The following TIMM23 variants were observed in gnomAD, a reference collection of about 807,000 sequenced individuals.
The protein encoded by TIMM23 is translocase of inner mitochondrial membrane 23, also known as mitochondrial import inner membrane translocase subunit Tim23.
TIMM23 carries 19 observed loss-of-function variants against 30.7 expected under a neutral mutation model. That is an observed-to-expected ratio of 0.62 (90% CI 0.43 to 0.91). The LOEUF is 0.91. Among genes scored for constraint, TIMM23 ranks in the 40% least tolerant of loss-of-function variants. The pLI, the probability that TIMM23 is intolerant of heterozygous loss-of-function variation, is 0.00. For synonymous variants in TIMM23, 78 were observed against 98.5 expected (o/e 0.79, Z 1.23); for missense variants, 202 against 269.2 (o/e 0.75, Z 1.75).
At chr10:45,975,610 G>A (rs1244202619) in intron 2 of TIMM23, 98 bp downstream of exon 2, 3 of 1,509,232 alleles carry the variant, frequency 2.0e-6, no homozygotes, top group Non-Finnish European at 2.7e-6. Flanking sequence ...CACTTTTGGA[G>A]GCAGTAAGTC....
At chr10:45,991,707 C>T (rs1233643248) in intron 6 of TIMM23, among the ~76,000 whole-genome samples, 2 of 151,410 alleles carry the variant, frequency 1.3e-5, no homozygotes. Flanking sequence ...GGCGAGATCA[C>T]GCCACTGCAC....
chr10:45,982,818 A>G lies in TIMM23; in HGVS notation c.260-28A>G, dbSNP rs1837886310. Reference sequence around the variant, plus strand: ...GTTTTTTTAATATAAAGCTGTCTTTATCTGGGTGAATTGTTATGATTTACC... The same window carrying G: ...GTTTTTTTAATATAAAGCTGTCTTTGTCTGGGTGAATTGTTATGATTTACC... On this transcript the variant is annotated intron_variant, in intron 3 of 6. Transcript: ENST00000580018. 1.4e-5 allele frequency: 23 copies of G among 1,613,668 alleles called. No individual in the cohort carries two copies. The Admixed American group carries it at 1.5e-4, about 11-fold the overall frequency.
At chr10:45,976,835 A>G (rs1430762267) in intron 2 of TIMM23, among the ~76,000 whole-genome samples, 150 of 152,350 alleles carry the variant, frequency 9.8e-4, no homozygotes, top group African/African-American at 3.3e-3. Flanking sequence ...AAGTTAAACT[A>G]TCTGTTTACA....
chr10:45,982,584 C>G lies in TIMM23; in HGVS notation c.227C>G (p.Ala76Gly). ...AAAACCCGGGGCAGATTTGAGCTGGCCTTCTTTACGATTGGAGGATGTTGC... is the reference window on the plus strand; with the variant it reads ...AAAACCCGGGGCAGATTTGAGCTGGGCTTCTTTACGATTGGAGGATGTTGC... ...ANKTRGRFELAFFTIGGCCMT... is the reference protein window; with the variant it reads ...ANKTRGRFELGFFTIGGCCMT... Residue 76 changes from alanine to glycine, a missense_variant, in exon 3 of 7, where the codon GCC becomes GGC. Coordinates refer to ENST00000580018, the MANE Select transcript of TIMM23 (RefSeq NM_006327.4). The G allele has an allele frequency of 1.9e-6, 3 of 1,613,834 alleles. No individual in the cohort carries two copies. Among genetic ancestry groups the G allele is most frequent in the Non-Finnish European group, 2.5e-6 (3 of 1,179,850 alleles).
chr10:45,986,370 G>A (rs1312993612), intron 5 of TIMM23, among the ~76,000 whole-genome samples: 1 of 152,050 alleles, frequency 6.6e-6, no homozygotes, highest in African/African-American at 2.4e-5. Context: ...GTCTGCGTAG[G>A]ACTGTCAGAG....
intron 2 of TIMM23, among the ~76,000 whole-genome samples, 190 bp downstream of exon 2, chr10:45,975,702 A>G (rs1332008745): frequency 2.6e-5 from 4 of 152,034 alleles, no homozygotes; most frequent in Non-Finnish European, 5.9e-5. Context: ...ACTCCCTTCA[A>G]AAGCTTATTT....
rs1302597433 is a variant in TIMM23 at position 45,973,089 on chromosome 10, C to T, written c.106+359C>T. Among the ~76,000 whole-genome samples the T allele has an allele frequency of 2.1e-3, 313 of 152,200 alleles. 2 individuals carry two copies. Among genetic ancestry groups the T allele is most frequent in the African/African-American group, 7.1e-3 (296 of 41,502 alleles). ...GTAAATGTATTCCAAATAGCAAGCC[C>T]GTAGTTAACTTTTTAGTACACAGCG... On this transcript the variant is annotated intron_variant, in intron 1 of 6. Transcript: ENST00000580018.
At position 46,003,496 on chromosome 10, in the gene TIMM23, A is replaced by G. The variant is rs1554918256; in HGVS notation, c.*178A>G. 2 of 532,878 alleles carry G rather than the reference A, an allele frequency of 3.8e-6. No individual in the cohort carries two copies. The highest frequency in any genetic ancestry group is 6.5e-5 in the East Asian group (2 of 30,842). 33.0% of individuals were successfully genotyped at this position (532,878 alleles called of 1,614,324 possible). On this transcript the variant is annotated 3_prime_UTR_variant, in exon 7 of 7. Coordinates refer to ENST00000580018, the MANE Select transcript of TIMM23 (RefSeq NM_006327.4). The stretch of plus-strand genomic sequence containing the variant: ...AAGACTGGCACTTGTTCCAGCCATT[A>G]GTGAGTTGAAGCCAAAGCCCTTTGG...
At chr10:45,986,128 A>G (rs1397359344) in intron 5 of TIMM23, among the ~76,000 whole-genome samples, 1 of 152,178 alleles carries the variant, frequency 6.6e-6, no homozygotes, top group African/African-American at 2.4e-5. Flanking sequence ...GACATAGAAA[A>G]CTCATTGAAA....
At chr10:45,973,516 A>G (rs1480119132) in intron 1 of TIMM23, among the ~76,000 whole-genome samples, 2 of 152,260 alleles carry the variant, frequency 1.3e-5, no homozygotes, top group African/African-American at 2.4e-5. Context: ...GGTATTTTAT[A>G]CTAAGGAACA....
intron 2 of TIMM23, among the ~76,000 whole-genome samples, chr10:45,980,830 C>T (rs1449282881): frequency 1.3e-5 from 2 of 151,458 alleles, no homozygotes; most frequent in Non-Finnish European, 2.9e-5. Flanking sequence ...TGCTTGCAAC[C>T]CTTGTTATAT....
intron 2 of TIMM23, among the ~76,000 whole-genome samples, chr10:45,979,285 G>T (rs75047715): frequency 0.88 from 134,586 of 152,254 alleles, 59,571 homozygotes; most frequent in East Asian, 0.96. Flanking sequence ...ATGAGATACA[G>T]ATCAGTAACT....
rs1837525420 is a variant in TIMM23 at position 45,972,636 on chromosome 10, CG to C, written c.17del (p.Gly6GlufsTer31). 1 of 1,613,682 alleles carries C rather than the reference CG, an allele frequency of 6.2e-7. No individual in the cohort carries two copies. The highest frequency in any genetic ancestry group is 1.7e-5 in the Admixed American group (1 of 59,986). MEGG[G>X]GSGNKTTGGL... ...TTTGCTGCGATACCATGGAAGGAGG[CG>C]GGGGAAGCGGCAACAAAACCACAGG... On this transcript the variant is annotated frameshift_variant, in exon 1 of 7. Coordinates refer to ENST00000580018, the MANE Select transcript of TIMM23 (RefSeq NM_006327.4). LOFTEE classifies it high-confidence loss of function.
rs1838411023 is a variant in TIMM23 at position 45,998,355 on chromosome 10, C to G, written c.515-4848C>G. On this transcript the variant is annotated intron_variant, in intron 6 of 6. Transcript: ENST00000580018. ...TATAGAAGAGGTGGTGCTTGCCTATCGCTTTGGAAGAACTACATAAGGATC... is the reference window on the plus strand; with the variant it reads ...TATAGAAGAGGTGGTGCTTGCCTATGGCTTTGGAAGAACTACATAAGGATC... The G allele has an allele frequency of 1.3e-5, 13 of 984,570 alleles. No homozygotes were observed. In the South Asian group the frequency reaches 1.4e-4, roughly 11 times the overall value. 61.0% of individuals were successfully genotyped at this position (984,570 alleles called of 1,614,324 possible).
intron 1 of TIMM23, among the ~76,000 whole-genome samples, chr10:45,973,648 T>C (rs1337692842): frequency 6.6e-6 from 1 of 151,890 alleles, no homozygotes; most frequent in Non-Finnish European, 1.5e-5. Context: ...CGTTTTTTTG[T>C]TTGTTTGTTT....
intron 6 of TIMM23, among the ~76,000 whole-genome samples, chr10:46,002,970 ACAT>A (rs1256011038): frequency 6.6e-6 from 1 of 152,008 alleles, no homozygotes; most frequent in African/African-American, 2.4e-5. Flanking sequence ...CTATAAGCAC[ACAT>A]CACCACACCC....
chr10:45,979,312 T>C (rs1305448310), intron 2 of TIMM23, among the ~76,000 whole-genome samples: 2 of 152,102 alleles, frequency 1.3e-5, no homozygotes, highest in East Asian at 3.8e-4. Context: ...TCTCTCTCTC[T>C]TTTTTTTCTA....
chr10:45,980,727 G>GT (rs1837815831), intron 2 of TIMM23, among the ~76,000 whole-genome samples: 1 of 152,034 alleles, frequency 6.6e-6, no homozygotes. Flanking sequence ...AGCAGAACAG[G>GT]TTTAACAAGA....
At chr10:45,990,562 C>G (rs1223560593) in intron 6 of TIMM23, 1 of 316,762 alleles carries the variant, frequency 3.2e-6, no homozygotes, top group Non-Finnish European at 6.1e-6. Flanking sequence ...GGACTACAGG[C>G]ACACGCCTCC....
Sources: gnomAD v4.1 joint callset for allele counts (sites outside exome capture counted in the v4.1 genomes callset) on GRCh38, gnomAD v4.1.1 for gene constraint, MANE v1.5 for transcripts, NCBI Gene and HGNC (gene_info 2026-07-23, HGNC 2026-07-21) for gene names.